The following NPFFR2 variants were observed in gnomAD, a reference collection of about 807,000 sequenced individuals.
NPFFR2 encodes G-protein coupled receptor 74.
NPFFR2 carries 15 observed loss-of-function variants against 13.1 expected under a neutral mutation model. The observed-to-expected ratio is 1.15, with a 90% confidence interval of 0.77 to 1.76. NPFFR2 has a LOEUF of 1.76. Among genes scored for constraint, NPFFR2 ranks in the 40% most tolerant of loss-of-function variants. The pLI, the probability that NPFFR2 is intolerant of heterozygous loss-of-function variation, is 0.00. For missense variants in NPFFR2, 572 were observed against 503.5 expected, an observed-to-expected ratio of 1.14 and a Z score of -1.30; for synonymous variants, 190 against 175.7, an observed-to-expected ratio of 1.08 and a Z score of -0.65.
chr4:72,132,190 T>G (rs1722265045), intron 2 of NPFFR2, among the ~76,000 whole-genome samples: 1 of 151,892 alleles, frequency 6.6e-6, no homozygotes, highest in African/African-American at 2.4e-5. Flanking sequence ...TAGGCCCCAG[T>G]ACGTGTCGTT....
intron 1 of NPFFR2, among the ~76,000 whole-genome samples, chr4:72,032,638 GA>G (rs1718955660): frequency 6.6e-6 from 1 of 152,212 alleles, no homozygotes; most frequent in Admixed American, 6.5e-5. Context: ...CCACTTGCTA[GA>G]AAAGCTGAAA....
rs1720476320 is a variant in NPFFR2 at position 72,077,322 on chromosome 4, A to G, written c.-8+45122A>G. On this transcript the variant is annotated intron_variant, in intron 1 of 3. Transcript: ENST00000308744. The stretch of plus-strand genomic sequence containing the variant: ...CTACATAATATTTTATGAAAGTACT[A>G]AAAGCTACCACTATCATCTCTTCTA... Among the ~76,000 whole-genome samples the G allele has an allele frequency of 2.6e-5, 4 of 152,282 alleles. No homozygotes were observed. The South Asian group carries it at 6.2e-4, about 24-fold the overall frequency.
chr4:72,070,563 G>GGGGGGGGT (rs1720219465), intron 1 of NPFFR2, among the ~76,000 whole-genome samples: 1 of 137,272 alleles, frequency 7.3e-6, no homozygotes, highest in South Asian at 2.4e-4. Context: ...GTGTGTGTGG[G>GGGGGGGGT]GGGGGGGGGT....
Position 72,059,450 on chromosome 4 carries a change from G to T in NPFFR2, c.-8+27250G>T, listed in dbSNP as rs567802158. Among the ~76,000 whole-genome samples the T allele has an allele frequency of 7.2e-5, 11 of 152,116 alleles. No individual in the cohort carries two copies. The East Asian group carries it at 2.1e-3, about 29-fold the overall frequency. On this transcript the variant is annotated intron_variant, in intron 1 of 3. Transcript: ENST00000308744. ...CTTCTATACTATGGGATTTAAATTTGCAGTAAGTCCCTGTCATTTTCCAAG... is the reference window on the plus strand; with the variant it reads ...CTTCTATACTATGGGATTTAAATTTTCAGTAAGTCCCTGTCATTTTCCAAG...
intron 1 of NPFFR2, among the ~76,000 whole-genome samples, chr4:72,053,071 C>T (rs1397225735): frequency 2.0e-5 from 3 of 151,722 alleles, no homozygotes; most frequent in African/African-American, 7.3e-5. Context: ...AGCTGTAGCT[C>T]GACCACCTTG....
At chr4:72,075,223 T>C (rs1385661533) in intron 1 of NPFFR2, among the ~76,000 whole-genome samples, 1 of 152,152 alleles carries the variant, frequency 6.6e-6, no homozygotes, top group Non-Finnish European at 1.5e-5. Flanking sequence ...TCTACCATGC[T>C]GGATGCTTCC....
intron 3 of NPFFR2, among the ~76,000 whole-genome samples, chr4:72,144,717 GT>G (rs1245035040): frequency 6.6e-6 from 1 of 152,032 alleles, no homozygotes; most frequent in Non-Finnish European, 1.5e-5. Flanking sequence ...AAAGGCAGCT[GT>G]TTTTTTCATG....
Position 72,138,069 on chromosome 4 carries a change from A to T in NPFFR2, c.358A>T (p.Ile120Phe). ...GCCATTTGGAAACACGATGTGCAAG[A>T]TCAGTGGATTGGTCCAGGGAATATC... The part of the protein sequence containing the change: ...GWPFGNTMCK[I>F]SGLVQGISVA... Residue 120 changes from isoleucine to phenylalanine, a missense_variant, in exon 3 of 4, where the codon ATC becomes TTC. By Grantham distance (21) the Ile-to-Phe change is conservative. Coordinates refer to ENST00000308744, the MANE Select transcript of NPFFR2 (RefSeq NM_004885.3). 6.2e-7 allele frequency: 1 copy of T among 1,613,712 alleles called. No individual in the cohort carries two copies. The highest frequency in any genetic ancestry group is 8.5e-7 in the Non-Finnish European group (1 of 1,179,754).
intron 1 of NPFFR2, among the ~76,000 whole-genome samples, chr4:72,098,912 C>G (rs1173455981): frequency 1.3e-5 from 2 of 152,276 alleles, no homozygotes; most frequent in South Asian, 2.1e-4. Context: ...TGTATTGGTT[C>G]AAGGGGCTCA....
rs767948914 is a variant in NPFFR2, at chr4:72,147,329, G to C, written c.780G>C (p.Glu260Asp). Reference sequence around the variant, plus strand: ...CTCACACAGGCAGGAAGAACCAGGAGCAGTGGCACGTGGTGTCCAGGAAGA... The same window carrying C: ...CTCACACAGGCAGGAAGAACCAGGACCAGTGGCACGTGGTGTCCAGGAAGA... ...AVPHTGRKNQ[E>D]QWHVVSRKKQ... The change falls in exon 4 of 4, where the codon GAG (glutamate) becomes GAC (aspartate). Residue 260 changes from glutamate to aspartate, a missense_variant. Transcript: ENST00000308744. 1.9e-6 allele frequency: 3 copies of C among 1,614,176 alleles called. No homozygotes were observed. The highest frequency in any genetic ancestry group is 2.5e-6 in the Non-Finnish European group (3 of 1,180,040).
chr4:72,104,638 C>G (rs1721362407), intron 1 of NPFFR2, among the ~76,000 whole-genome samples: 1 of 151,990 alleles, frequency 6.6e-6, no homozygotes, highest in Non-Finnish European at 1.5e-5. Flanking sequence ...TTATAAAGGA[C>G]TCAGAACTAA....
chr4:72,125,909 G>T (rs1055206275), intron 1 of NPFFR2, among the ~76,000 whole-genome samples: 13 of 152,124 alleles, frequency 8.5e-5, no homozygotes, highest in Admixed American at 8.5e-4. Context: ...AGAGACACTT[G>T]GGAAGCCATT....
intron 1 of NPFFR2, among the ~76,000 whole-genome samples, chr4:72,035,889 C>T (rs1169795402): frequency 6.6e-6 from 1 of 152,012 alleles, no homozygotes; most frequent in African/African-American, 2.4e-5. Context: ...GTGGCAGTTG[C>T]AGAATAAAGC....
intron 3 of NPFFR2, among the ~76,000 whole-genome samples, chr4:72,144,765 A>G (rs1463952164): frequency 2.0e-5 from 3 of 152,140 alleles, no homozygotes; most frequent in Non-Finnish European, 4.4e-5. Context: ...CACTCACTCA[A>G]TTCAAACAAA....
intron 1 of NPFFR2, among the ~76,000 whole-genome samples, chr4:72,068,644 A>C (rs1313388904): frequency 3.3e-5 from 5 of 152,190 alleles, no homozygotes; most frequent in African/African-American, 1.2e-4. Flanking sequence ...ATACGGTTGA[A>C]TGAACCAATT....
At chr4:72,083,752 T>G (rs1299728467) in intron 1 of NPFFR2, among the ~76,000 whole-genome samples, 1 of 152,126 alleles carries the variant, frequency 6.6e-6, no homozygotes, top group African/African-American at 2.4e-5. Context: ...TTGATCTCAT[T>G]ATCTTCTATC....
intron 1 of NPFFR2, among the ~76,000 whole-genome samples, chr4:72,036,593 T>C (rs990424839): frequency 2.8e-5 from 4 of 143,648 alleles, no homozygotes; most frequent in African/African-American, 1.1e-4. Flanking sequence ...ATATATAATG[T>C]ATATATACAT....
In NPFFR2 at chr4:72,064,983, A is replaced by G. The variant is rs754994825; in HGVS notation, c.-8+32783A>G. On this transcript the variant is annotated intron_variant, in intron 1 of 3. Transcript: ENST00000308744. ...AGCCTAACCTGACTGCCAAATATGA[A>G]AAGAGAAAAGAGGAGGTGAAGGACA... is the stretch of plus-strand genomic sequence containing the variant. 7.6e-4 allele frequency among the ~76,000 whole-genome samples: 115 copies of G among 152,220 alleles called. No individual in the cohort carries two copies. In the Middle Eastern group the frequency reaches 0.01, roughly 14 times the overall value.
chr4:72,088,437 A>G (rs1247513523), intron 1 of NPFFR2, among the ~76,000 whole-genome samples: 1 of 152,128 alleles, frequency 6.6e-6, no homozygotes, highest in Non-Finnish European at 1.5e-5. Flanking sequence ...TTACATTTTA[A>G]AGATAGTTTA....
Sources: allele counts gnomAD v4.1 joint callset (sites outside exome capture counted in the v4.1 genomes callset), GRCh38; gene constraint gnomAD v4.1.1; transcripts MANE v1.5; gene names NCBI Gene and HGNC (gene_info 2026-07-23, HGNC 2026-07-21).